WWOX: variants seen among roughly 807,000 people sequenced by gnomAD.
WWOX encodes WW domain containing oxidoreductase, also known as WW domain-containing oxidoreductase.
WWOX carries 69 observed loss-of-function variants against 46.2 expected under a neutral mutation model. The observed-to-expected ratio is 1.49, with a 90% confidence interval of 1.23 to 1.82. WWOX has a LOEUF of 1.82. WWOX is among the 40% of genes most tolerant of loss of function. The pLI is 0.00. For missense variants in WWOX, 919 were observed against 542.6 expected (o/e 1.69, Z -6.89); for synonymous variants, 359 against 202.6 (o/e 1.77, Z -6.56).
intron 8 of WWOX, among the ~76,000 whole-genome samples, chr16:78,485,854 A>T (rs558821758): frequency 6.6e-6 from 1 of 152,210 alleles, no homozygotes. Context: ...TGCGAGCCTT[A>T]TTCAGAATGT....
intron 8 of WWOX, among the ~76,000 whole-genome samples, chr16:79,099,570 G>A (rs562166349): frequency 6.8e-6 from 1 of 147,964 alleles, no homozygotes; most frequent in East Asian, 2.0e-4. Flanking sequence ...TAGATTGTGT[G>A]TGCGTGTGTG....
At chr16:78,332,257 T>G (rs572761728) in intron 5 of WWOX, among the ~76,000 whole-genome samples, 162 of 152,296 alleles carry the variant, frequency 1.1e-3, no homozygotes, top group African/African-American at 3.7e-3. Flanking sequence ...CCCAGATGGA[T>G]CTACTATTTT....
intron 8 of WWOX, among the ~76,000 whole-genome samples, chr16:78,992,925 A>G (rs977152164): frequency 5.7e-5 from 8 of 141,040 alleles, no homozygotes; most frequent in Non-Finnish European, 1.2e-4. Context: ...TCTACGTATA[A>G]TTTTTGCCTC....
At chr16:78,501,808 A>G (rs1447447806) in intron 8 of WWOX, among the ~76,000 whole-genome samples, 1 of 152,114 alleles carries the variant, frequency 6.6e-6, no homozygotes, top group African/African-American at 2.4e-5. Flanking sequence ...AACTGCTGGA[A>G]TCTGAGAAGT....
chr16:79,171,859 A>G (rs1372105216), intron 8 of WWOX, among the ~76,000 whole-genome samples: 1 of 152,234 alleles, frequency 6.6e-6, no homozygotes, highest in African/African-American at 2.4e-5. Context: ...TACCAAAACA[A>G]ATATGATCAC....
chr16:78,901,042 T>A (rs1005714177), intron 8 of WWOX, among the ~76,000 whole-genome samples: 40 of 152,190 alleles, frequency 2.6e-4, no homozygotes, highest in Admixed American at 1.8e-3. Flanking sequence ...CACTGCTCTC[T>A]TTTCAGACCC....
At chr16:78,568,648 G>T (rs1294595758) in intron 8 of WWOX, among the ~76,000 whole-genome samples, 4 of 151,668 alleles carry the variant, frequency 2.6e-5, no homozygotes, top group Non-Finnish European at 5.9e-5. Context: ...GCTGATTTTT[G>T]TATTTTAGTA....
chr16:78,235,112 T>G (rs1331628559), intron 5 of WWOX, among the ~76,000 whole-genome samples: 5 of 152,064 alleles, frequency 3.3e-5, no homozygotes, highest in African/African-American at 1.2e-4. Flanking sequence ...TGGAGGGAAA[T>G]ATCATAAATA....
chr16:78,273,084 G>A (rs958777598), intron 5 of WWOX, among the ~76,000 whole-genome samples: 13 of 151,958 alleles, frequency 8.6e-5, no homozygotes, highest in African/African-American at 3.1e-4. Context: ...CTAATTCTGG[G>A]CATTATATCT....
At chr16:78,438,696 A>G (rs997623036) in intron 8 of WWOX, among the ~76,000 whole-genome samples, 22 of 152,154 alleles carry the variant, frequency 1.4e-4, no homozygotes, top group African/African-American at 4.8e-4. Context: ...TTTTCAAATC[A>G]TTTTACATTA....
At chr16:78,643,709 A>G (rs2046776309) in intron 8 of WWOX, among the ~76,000 whole-genome samples, 1 of 151,940 alleles carries the variant, frequency 6.6e-6, no homozygotes, top group Non-Finnish European at 1.5e-5. Context: ...CGGGTTCCTT[A>G]CCTTCTAGGA....
At chr16:78,521,799 T>C (rs1313747753) in intron 8 of WWOX, among the ~76,000 whole-genome samples, 1 of 151,710 alleles carries the variant, frequency 6.6e-6, no homozygotes, top group African/African-American at 2.4e-5. Flanking sequence ...TTTTTTGGCA[T>C]AAGAAGCCCA....
chr16:78,321,110 G>C (rs1040696133), intron 5 of WWOX, among the ~76,000 whole-genome samples: 3 of 151,906 alleles, frequency 2.0e-5, no homozygotes, highest in African/African-American at 7.3e-5. Flanking sequence ...GTCTTTTAAA[G>C]CGTAGAAAAG....
intron 8 of WWOX, among the ~76,000 whole-genome samples, chr16:78,799,763 A>G (rs1353975154): frequency 2.0e-5 from 3 of 152,254 alleles, no homozygotes; most frequent in Non-Finnish European, 4.4e-5. Flanking sequence ...GGAATTGGGC[A>G]TGCCATTGGG....
chr16:78,437,508 A>G (rs898487037), intron 8 of WWOX, among the ~76,000 whole-genome samples: 2 of 152,360 alleles, frequency 1.3e-5, no homozygotes, highest in Admixed American at 1.3e-4. Flanking sequence ...ATCACTAATG[A>G]GAAACTCACA....
intron 5 of WWOX, among the ~76,000 whole-genome samples, chr16:78,287,156 A>G (rs1450370633): frequency 1.3e-5 from 2 of 152,260 alleles, no homozygotes; most frequent in South Asian, 2.1e-4. Context: ...AATCAACGCC[A>G]TAAGGACAAT....
intron 5 of WWOX, among the ~76,000 whole-genome samples, chr16:78,205,412 C>T (rs368316165): frequency 3.4e-4 from 51 of 152,214 alleles, no homozygotes; most frequent in African/African-American, 1.2e-3. Context: ...GTCCTTGCAT[C>T]CATCTATCCA....
intron 8 of WWOX, among the ~76,000 whole-genome samples, chr16:78,680,777 A>C (rs966175419): frequency 3.9e-5 from 6 of 152,188 alleles, no homozygotes; most frequent in African/African-American, 1.4e-4. Flanking sequence ...TGGAGCACTT[A>C]GCCCAGTGTT....
intron 5 of WWOX, among the ~76,000 whole-genome samples, chr16:78,321,342 A>C (rs1337134513): frequency 7.5e-5 from 4 of 53,450 alleles, no homozygotes; most frequent in Admixed American, 2.1e-4. Context: ...ATATGCGTAT[A>C]TATATACGTA....
Sources: gnomAD v4.1 joint callset for allele counts (sites outside exome capture counted in the v4.1 genomes callset) on GRCh38, gnomAD v4.1.1 for gene constraint, MANE v1.5 for transcripts, NCBI Gene and HGNC (gene_info 2026-07-23, HGNC 2026-07-21) for gene names.